Variants in NFXL1 observed in about 807,000 individuals in gnomAD.
The protein encoded by NFXL1 is NF-X1-type zinc finger protein NFXL1.
A neutral mutation model predicts 123.3 loss-of-function variants in NFXL1; 66 were observed. The ratio of observed to expected loss-of-function variants is 0.54; its 90% CI spans 0.44 to 0.66. The LOEUF (loss-of-function observed/expected upper bound fraction) is 0.66. NFXL1 is among the 30% of genes least tolerant of loss of function. The pLI, the probability that NFXL1 is intolerant of heterozygous loss-of-function variation, is 0.00. For missense variants in NFXL1, 944 were observed against 1,125.6 expected, an observed-to-expected ratio of 0.84 and a Z score of 2.31; for synonymous variants, 346 against 360.8, an observed-to-expected ratio of 0.96 and a Z score of 0.46.
chr4:47,913,117 A>G (rs1737925517), intron 2 of NFXL1, among the ~76,000 whole-genome samples: 1 of 151,920 alleles, frequency 6.6e-6, no homozygotes, highest in African/African-American at 2.4e-5. Context: ...AATACCACCT[A>G]CCTTTCAAAT....
intron 18 of NFXL1, among the ~76,000 whole-genome samples, chr4:47,864,586 C>T (rs148515501): frequency 6.6e-6 from 1 of 152,272 alleles, no homozygotes; most frequent in East Asian, 1.9e-4. Flanking sequence ...ATTACTAGAT[C>T]ACACCCTCTG....
intron 4 of NFXL1, among the ~76,000 whole-genome samples, 185 bp from the exon 5 acceptor site, chr4:47,903,508 C>T (rs755044803): frequency 9.2e-5 from 14 of 151,958 alleles, no homozygotes; most frequent in Admixed American, 2.0e-4. Flanking sequence ...TAGGATACTT[C>T]GAAGAAAATT....
chr4:47,856,026 T>TG (rs1467129541), intron 19 of NFXL1, among the ~76,000 whole-genome samples: 1 of 152,196 alleles, frequency 6.6e-6, no homozygotes, highest in African/African-American at 2.4e-5. Flanking sequence ...ACATTGCTTG[T>TG]GGTGTCTTGA....
chr4:47,865,569 A>G (rs1176512478), intron 18 of NFXL1, among the ~76,000 whole-genome samples: 5 of 151,992 alleles, frequency 3.3e-5, no homozygotes, highest in Non-Finnish European at 7.4e-5. Context: ...TGGAGTTCTG[A>G]AAAAAACTAA....
intron 11 of NFXL1, among the ~76,000 whole-genome samples, chr4:47,891,999 T>C (rs747005507): frequency 8.5e-5 from 13 of 152,136 alleles, no homozygotes; most frequent in Non-Finnish European, 1.5e-4. Context: ...AGTAATACTA[T>C]GTGCCTATCC....
chr4:47,907,431 TAG>T (rs1474716059), intron 3 of NFXL1, among the ~76,000 whole-genome samples: 3 of 152,190 alleles, frequency 2.0e-5, no homozygotes, highest in Non-Finnish European at 2.9e-5. Context: ...GCCAGCAAGA[TAG>T]AGATACTCAT....
chr4:47,852,243 T>C (rs1734158199), intron 20 of NFXL1: 1 of 282,340 alleles, frequency 3.5e-6, no homozygotes. Flanking sequence ...CTTTATTGTT[T>C]GTTATTCTTG....
intron 22 of NFXL1, 185 bp downstream of exon 22, chr4:47,850,910 C>A: frequency 1.9e-6 from 1 of 538,178 alleles, no homozygotes; most frequent in South Asian, 2.8e-5. Flanking sequence ...GATCTCATAC[C>A]TTTTCAGAGT....
chr4:47,885,385 A>G (rs1339059156), intron 14 of NFXL1, 113 bp downstream of exon 14: 2 of 861,818 alleles, frequency 2.3e-6, no homozygotes, highest in Middle Eastern at 2.4e-4. Flanking sequence ...CCCTGCTCCA[A>G]GCACAGTGCT....
At chr4:47,878,224 G>A (rs943381833) in intron 17 of NFXL1, among the ~76,000 whole-genome samples, 1 of 151,992 alleles carries the variant, frequency 6.6e-6, no homozygotes, top group Admixed American at 6.6e-5. Context: ...TACTATCTAA[G>A]AAGATACATA....
At chr4:47,909,600 A>G (rs1421811435) in intron 3 of NFXL1, among the ~76,000 whole-genome samples, 1 of 152,150 alleles carries the variant, frequency 6.6e-6, no homozygotes, top group Non-Finnish European at 1.5e-5. Context: ...AAACAATATG[A>G]CATATCTACA....
intron 10 of NFXL1, among the ~76,000 whole-genome samples, chr4:47,895,999 G>T (rs1161500107): frequency 6.6e-6 from 1 of 152,162 alleles, no homozygotes; most frequent in Non-Finnish European, 1.5e-5. Flanking sequence ...GGAATAGGAA[G>T]GCCCAAGGAG....
chr4:47,899,138 CAAAAAAA>C lies in NFXL1; in HGVS notation c.827-25_827-19del, dbSNP rs3057881. The C allele has an allele frequency of 1.3e-3, 1,556 of 1,208,306 alleles. No homozygotes were observed. Among genetic ancestry groups the C allele is most frequent in the South Asian group, 2.2e-3 (118 of 54,874 alleles). The allele number at this position is 1,208,306 out of a possible 1,614,324, so 74.8% of individuals were successfully genotyped here. On this transcript the variant is annotated intron_variant, in intron 6 of 22. Transcript: ENST00000507489. ...GCAGGGACCTAGAATTCAGTAAAAG[CAAAAAAA>C]AAAAAAAAAAAAAAATCTAAAGTCA...
At chr4:47,876,458 CA>C (rs761266435) in intron 17 of NFXL1, among the ~76,000 whole-genome samples, 10 of 151,984 alleles carry the variant, frequency 6.6e-5, no homozygotes, top group Admixed American at 1.3e-4. Context: ...TAAGAAAAAA[CA>C]AATGTGGAAT....
chr4:47,864,392 C>T (rs571894818), intron 18 of NFXL1, among the ~76,000 whole-genome samples: 2 of 152,190 alleles, frequency 1.3e-5, no homozygotes, highest in East Asian at 3.9e-4. Flanking sequence ...AAAATATAAC[C>T]TTCCTCCGCC....
chr4:47,890,501 G>A, intron 12 of NFXL1, 112 bp downstream of exon 12: 1 of 630,846 alleles, frequency 1.6e-6, no homozygotes, highest in East Asian at 2.8e-5. Context: ...AGAGTCAAGT[G>A]AGATAATGAC....
At chr4:47,856,734 T>C (rs768054797) in intron 19 of NFXL1, among the ~76,000 whole-genome samples, 2 of 152,210 alleles carry the variant, frequency 1.3e-5, no homozygotes, top group Non-Finnish European at 2.9e-5. Context: ...AATCCTACTA[T>C]AGGGCAGAGA....
chr4:47,903,404 A>G, intron 4 of NFXL1, 81 bp from the exon 5 acceptor site: 3 of 951,800 alleles, frequency 3.2e-6, no homozygotes, highest in Non-Finnish European at 4.3e-6. Context: ...GTATCACACT[A>G]AACTATTTTC....
intron 18 of NFXL1, among the ~76,000 whole-genome samples, chr4:47,871,359 A>AC (rs1006423715): frequency 5.3e-5 from 8 of 151,880 alleles, no homozygotes; most frequent in Non-Finnish European, 1.0e-4. Context: ...TCAAAAAAAA[A>AC]AAAAACAAAA....
Sources: gnomAD v4.1 joint callset for allele counts (sites outside exome capture counted in the v4.1 genomes callset) on GRCh38, gnomAD v4.1.1 for gene constraint, MANE v1.5 for transcripts, NCBI Gene and HGNC (gene_info 2026-07-23, HGNC 2026-07-21) for gene names.